PDE1C: variants seen among roughly 807,000 people sequenced by gnomAD.
The protein encoded by PDE1C is dual specificity calcium/calmodulin-dependent 3',5'-cyclic nucleotide phosphodiesterase 1C.
A neutral mutation model predicts 93.1 loss-of-function variants in PDE1C; 62 were observed. That is an observed-to-expected ratio of 0.67 (90% CI 0.54 to 0.82). PDE1C has a LOEUF of 0.82. Ranked by LOEUF, PDE1C falls within the 40% of genes least tolerant of loss-of-function variation. The probability of loss-of-function intolerance (pLI) is 0.00; values close to 1 mark genes in which losing one functional copy is unlikely to be tolerated. For synonymous variants in PDE1C, 325 were observed against 310.1 expected (o/e 1.05, Z -0.50); for missense variants, 742 against 884.6 (o/e 0.84, Z 2.04).
At chr7:31,820,100 C>A (rs974480246) in intron 14 of PDE1C, among the ~76,000 whole-genome samples, 24 of 152,008 alleles carry the variant, frequency 1.6e-4, no homozygotes, top group African/African-American at 5.8e-4. Context: ...GAATCATATA[C>A]TGTAAATCTA....
chr7:31,789,562 C>A (rs1455904482), intron 16 of PDE1C: 1 of 723,084 alleles, frequency 1.4e-6, no homozygotes, highest in Non-Finnish European at 1.7e-6. Flanking sequence ...AATGAATGCA[C>A]AGAGAAAATA....
the PDE1C span, among the ~76,000 whole-genome samples, chr7:31,657,636 G>A: frequency 1.3e-5 from 2 of 151,908 alleles, no homozygotes; most frequent in African/African-American, 4.8e-5. Flanking sequence ...GATTATCTGT[G>A]TAATCTTACT....
In PDE1C at chr7:32,312,822, A is replaced by G. The variant is rs537718874; in HGVS notation, c.311-103283T>C. On this transcript the variant is annotated intron_variant, in intron 1 of 1. Transcript: ENST00000672256. ...AACCCTAGAAGAAAACCTAGGCAAT[A>G]CCATTCAGGACATAGGCATAGGCAA... 2.4e-3 allele frequency among the ~76,000 whole-genome samples: 371 copies of G among 152,322 alleles called. 4 individuals are homozygous for G. The highest frequency in any genetic ancestry group is 0.017 in the Admixed American group (262 of 15,292).
At chr7:32,098,156 G>T (rs1455953613) in intron 3 of PDE1C, among the ~76,000 whole-genome samples, 2 of 140,046 alleles carry the variant, frequency 1.4e-5, no homozygotes, top group Admixed American at 7.2e-5. Flanking sequence ...CGTGAACCCG[G>T]GAGGCGGAGC....
At chr7:32,297,462 C>G (rs532197212) in intron 1 of PDE1C, among the ~76,000 whole-genome samples, 1 of 152,084 alleles carries the variant, frequency 6.6e-6, no homozygotes, top group African/African-American at 2.4e-5. Flanking sequence ...CAAAGGCTGA[C>G]GTCCCAAAAA....
At chr7:31,789,684 G>C in intron 16 of PDE1C, 1 of 984,612 alleles carries the variant, frequency 1.0e-6, no homozygotes, top group Non-Finnish European at 1.2e-6. Context: ...AGTCTGAAAG[G>C]AAATTGGAGA....
rs1810394653 is a variant in PDE1C, at chr7:32,263,870, T to C, written c.85+34781A>G. On this transcript the variant is annotated intron_variant, in intron 1 of 18. Coordinates refer to the PDE1C transcript ENST00000396193. The stretch of plus-strand genomic sequence containing the variant: ...AGAACTCAGCATAAACAATGTTTCC[T>C]TCTGGGGCCTCACATCTAGAGGCAC... 2.0e-5 allele frequency among the ~76,000 whole-genome samples: 3 copies of C among 152,228 alleles called. No homozygotes were observed. The South Asian group carries it at 6.2e-4, about 31-fold the overall frequency.
At chr7:32,098,566 T>A (rs1797890612) in intron 3 of PDE1C, among the ~76,000 whole-genome samples, 1 of 152,180 alleles carries the variant, frequency 6.6e-6, no homozygotes, top group Non-Finnish European at 1.5e-5. Flanking sequence ...AGTAGAAAGG[T>A]AGACACACAG....
chr7:31,802,496 T>TA (rs1459708306), intron 16 of PDE1C, among the ~76,000 whole-genome samples: 3 of 151,706 alleles, frequency 2.0e-5, no homozygotes, highest in Non-Finnish European at 4.4e-5. Context: ...TTTACCTATG[T>TA]AGTTGCCATT....
intron 6 of PDE1C, among the ~76,000 whole-genome samples, chr7:31,865,424 G>A (rs1197247955): frequency 6.6e-6 from 1 of 152,084 alleles, no homozygotes; most frequent in Admixed American, 6.6e-5. Context: ...TGGTGACTAT[G>A]TTAATTTTCT....
chr7:31,710,278 G>A, the PDE1C span, among the ~76,000 whole-genome samples: 1 of 152,200 alleles, frequency 6.6e-6, no homozygotes, highest in Admixed American at 6.5e-5. Flanking sequence ...TCATTCTGAA[G>A]GCATCTACCA....
upstream of PDE1C, among the ~76,000 whole-genome samples, chr7:32,075,927 C>G (rs192353970): frequency 2.0e-4 from 31 of 152,264 alleles, no homozygotes; most frequent in African/African-American, 7.5e-4. Context: ...GGATAAGACC[C>G]TTCTCTTGTT....
At chr7:32,366,568 T>C (rs1460888637) in intron 1 of PDE1C, among the ~76,000 whole-genome samples, 1 of 152,066 alleles carries the variant, frequency 6.6e-6, no homozygotes, top group Non-Finnish European at 1.5e-5. Context: ...TCCAGGAAGA[T>C]CAAAGAACCT....
At chr7:32,184,420 A>C (rs984514951) in intron 2 of PDE1C, among the ~76,000 whole-genome samples, 5 of 152,198 alleles carry the variant, frequency 3.3e-5, no homozygotes, top group African/African-American at 1.2e-4. Flanking sequence ...ACAATGATAG[A>C]CTGGATTAAG....
intron 7 of PDE1C, among the ~76,000 whole-genome samples, chr7:31,852,654 G>T (rs184951789): frequency 1.3e-5 from 2 of 152,094 alleles, no homozygotes; most frequent in African/African-American, 4.8e-5. Flanking sequence ...CCAGGGGTAG[G>T]TGCAGGACTC....
chr7:32,093,678 C>T (rs746138238), intron 3 of PDE1C, among the ~76,000 whole-genome samples: 15 of 152,206 alleles, frequency 9.9e-5, no homozygotes, highest in Non-Finnish European at 1.9e-4. Flanking sequence ...GCAAAGAGCC[C>T]TGTCTTCAAG....
intron 2 of PDE1C, among the ~76,000 whole-genome samples, chr7:32,183,638 A>G (rs897493803): frequency 1.8e-4 from 28 of 152,354 alleles, no homozygotes; most frequent in African/African-American, 6.7e-4. Flanking sequence ...TACACCTTAT[A>G]CAAAAATTAA....
At chr7:32,093,055 G>A (rs1172025846) in intron 3 of PDE1C, among the ~76,000 whole-genome samples, 1 of 152,190 alleles carries the variant, frequency 6.6e-6, no homozygotes, top group East Asian at 1.9e-4. Flanking sequence ...TTAAATGCAA[G>A]AAAGTCTCTG....
the PDE1C span, among the ~76,000 whole-genome samples, chr7:31,662,540 A>G: frequency 1.3e-5 from 2 of 151,742 alleles, no homozygotes; most frequent in Admixed American, 6.6e-5. Flanking sequence ...AAGTGTGTGT[A>G]TGTGTCTGTG....
Sources: gnomAD v4.1 joint callset for allele counts (sites outside exome capture counted in the v4.1 genomes callset) on GRCh38, gnomAD v4.1.1 for gene constraint, MANE v1.5 for transcripts, NCBI Gene and HGNC (gene_info 2026-07-23, HGNC 2026-07-21) for gene names.